The following C6orf132 variants were observed in gnomAD, a reference collection of about 807,000 sequenced individuals.
C6orf132 encodes chromosome 6 open reading frame 132.
A neutral mutation model predicts 65.3 loss-of-function variants in C6orf132; 43 were observed. That is an observed-to-expected ratio of 0.66 (90% CI 0.52 to 0.85). The LOEUF (loss-of-function observed/expected upper bound fraction) is 0.85, where lower values mean the gene tolerates loss of function less well. Among genes scored for constraint, C6orf132 ranks in the 40% least tolerant of loss-of-function variants. C6orf132 has a pLI of 0.00. For missense variants in C6orf132, 1,488 were observed against 1,548.8 expected, an observed-to-expected ratio of 0.96 and a Z score of 0.66; for synonymous variants, 631 against 654.1, an observed-to-expected ratio of 0.96 and a Z score of 0.54.
intron 2 of C6orf132, among the ~76,000 whole-genome samples, chr6:42,128,206 T>C (rs974946681): frequency 1.1e-4 from 16 of 152,056 alleles, no homozygotes; most frequent in Admixed American, 1.0e-3. Flanking sequence ...ATTACAGGCG[T>C]GAGCCACCGC....
At position 42,128,795 on chromosome 6, in the gene C6orf132, A is replaced by C; in HGVS notation, c.146-17T>G. The C allele has an allele frequency of 2.6e-6, 4 of 1,529,270 alleles. No individual in the cohort carries two copies. The highest frequency in any genetic ancestry group is 3.5e-6 in the Non-Finnish European group (4 of 1,126,806). The allele number at this position is 1,529,270 out of a possible 1,614,324, so 94.7% of individuals were successfully genotyped here. On this transcript the variant is annotated splice_polypyrimidine_tract_variant and intron_variant, in intron 1 of 4. Coordinates refer to ENST00000341865, the MANE Select transcript of C6orf132 (RefSeq NM_001164446.3). ...AGATGCCATCTAGAGAACACAAGTGAGGGGACACCATAAGCTGGAGATCCA... is the reference window on the plus strand; with the variant it reads ...AGATGCCATCTAGAGAACACAAGTGCGGGGACACCATAAGCTGGAGATCCA...
intron 2 of C6orf132, among the ~76,000 whole-genome samples, chr6:42,115,019 A>AG (rs1429840374): frequency 1.4e-5 from 2 of 146,802 alleles, no homozygotes; most frequent in African/African-American, 5.1e-5. Context: ...AAAAAAAAAA[A>AG]GCCGGGCATG....
chr6:42,136,886 G>GCC (rs137933587), intron 1 of C6orf132, among the ~76,000 whole-genome samples: 2 of 151,960 alleles, frequency 1.3e-5, no homozygotes. Flanking sequence ...GAATGGCGCC[G>GCC]CCCCCCCAGC....
chr6:42,130,102 T>C (rs990920796), intron 1 of C6orf132, among the ~76,000 whole-genome samples: 1 of 152,206 alleles, frequency 6.6e-6, no homozygotes, highest in Non-Finnish European at 1.5e-5. Flanking sequence ...CTCCGTGTGC[T>C]GCCCTCCCAA....
chr6:42,104,161 T>A lies in C6orf132; in HGVS notation c.3450-283A>T, dbSNP rs1410367556. On this transcript the variant is annotated intron_variant, in intron 4 of 4. Transcript: ENST00000341865. This position sits in a 1 kb window ranked among gnomAD's most constrained non-coding sequence, Gnocchi z 4.1. ...ATCCAACTCTGTGTTGGGAAATCCC[T>A]CCACCCAAGGGCCACTCAGATCTCT... Among the ~76,000 whole-genome samples, 1 of 152,130 alleles carries A rather than the reference T, an allele frequency of 6.6e-6. No homozygotes were observed.
At chr6:42,137,441 A>G (rs1237105295) in intron 1 of C6orf132, among the ~76,000 whole-genome samples, 2 of 152,066 alleles carry the variant, frequency 1.3e-5, no homozygotes, top group African/African-American at 4.8e-5. Context: ...GGTTGGAAAT[A>G]TATGCTCAGC....
Position 42,105,167 on chromosome 6 carries a change from C to G in C6orf132, c.2745G>C (p.Lys915Asn). 1.3e-6 allele frequency: 2 copies of G among 1,537,138 alleles called. No homozygotes were observed. The highest frequency in any genetic ancestry group is 1.7e-6 in the Non-Finnish European group (2 of 1,146,864). Residue 915 changes from lysine to asparagine, a missense_variant, in exon 4 of 5, where the codon AAG becomes AAC. Coordinates refer to ENST00000341865, the MANE Select transcript of C6orf132 (RefSeq NM_001164446.3). ...CGTCTCTTCCCAGCCGCGGCCCCCA[C>G]TTATTGGGTATTTCGGTCGTCAGCG... is the stretch of plus-strand genomic sequence containing the variant. ...DSPLTTEIPN[K>N]WGPRLGRDAE...
At chr6:42,137,088 C>T (rs761861798) in intron 1 of C6orf132, among the ~76,000 whole-genome samples, 5 of 152,242 alleles carry the variant, frequency 3.3e-5, no homozygotes, top group African/African-American at 1.2e-4. Flanking sequence ...GTTTGAGCTA[C>T]CCCGGACTGG....
intron 1 of C6orf132, among the ~76,000 whole-genome samples, chr6:42,129,046 C>T (rs560725399): frequency 2.6e-5 from 4 of 152,350 alleles, no homozygotes; most frequent in Admixed American, 2.0e-4. Flanking sequence ...CCATAACCAC[C>T]ACGCTGTACC....
chr6:42,110,139 G>A (rs892473020), intron 3 of C6orf132, 77 bp downstream of exon 3: 2 of 1,182,124 alleles, frequency 1.7e-6, no homozygotes, highest in Non-Finnish European at 2.4e-6. Context: ...GTGAAGATGA[G>A]CAGATGCTTA....
chr6:42,107,205 G>A lies in C6orf132; in HGVS notation c.707C>T (p.Pro236Leu), dbSNP rs536848837. ...TGTGTGAGGAGATGCTGGAGCTGGG[G>A]GTGCTGGGGCTGGCACAGGAGGCGG... ...PPPPPVPAPA[P>L]PAPASPHTVG... The change falls in exon 4 of 5, where the codon CCC becomes CTC. Residue 236 changes from proline (P) to leucine (L), a missense_variant. Coordinates refer to ENST00000341865, the MANE Select transcript of C6orf132 (RefSeq NM_001164446.3). The A allele has an allele frequency of 2.8e-6, 4 of 1,428,482 alleles. No homozygotes were observed. The highest frequency in any genetic ancestry group is 3.7e-6 in the Non-Finnish European group (4 of 1,095,558). The allele number at this position is 1,428,482 out of a possible 1,614,324, so 88.5% of individuals were successfully genotyped here.
At chr6:42,135,967 G>A (rs774609817) in intron 1 of C6orf132, among the ~76,000 whole-genome samples, 5 of 151,988 alleles carry the variant, frequency 3.3e-5, no homozygotes, top group East Asian at 1.9e-4. Context: ...GGGATTCAGC[G>A]TCTCTCCCCT....
Position 42,104,623 on chromosome 6 carries a change from C to G in C6orf132, c.3289G>C (p.Gly1097Arg), listed in dbSNP as rs1248852340. ...TTCACGCGCCGCATCTCGGGGCCTC[C>G]GGGCTGCGGCCCGAAGCAGTTGGGA... ...SSPNCFGPQP[G>R]GPEMRRVNSA... Residue 1097 changes from glycine to arginine, a missense_variant, in exon 4 of 5, where the codon GGA becomes CGA. Transcript: ENST00000341865. This position sits in a 1 kb window ranked among gnomAD's most constrained non-coding sequence, Gnocchi z 4.1. 2 of 1,382,386 alleles carry G rather than the reference C, an allele frequency of 1.4e-6. No individual in the cohort carries two copies. The highest frequency in any genetic ancestry group is 1.6e-5 in the South Asian group (1 of 60,816). The allele number at this position is 1,382,386 out of a possible 1,614,324, so 85.6% of individuals were successfully genotyped here.
intron 2 of C6orf132, among the ~76,000 whole-genome samples, chr6:42,127,781 G>A (rs904634892): frequency 1.3e-5 from 2 of 152,068 alleles, no homozygotes; most frequent in African/African-American, 2.4e-5. Context: ...ACAAGCAGCC[G>A]TTGAGCACTT....
rs1766396361 is a variant in C6orf132 at position 42,105,996 on chromosome 6, G to C, written c.1916C>G (p.Pro639Arg). ...AGGTGTGGCCTTGGGTGGTATGGCTGGTCCCAACATAGCCTTGGGCTGGAG... is the reference window on the plus strand; with the variant it reads ...AGGTGTGGCCTTGGGTGGTATGGCTCGTCCCAACATAGCCTTGGGCTGGAG... ...TSLQPKAMLGPAIPPKATPEP... is the reference protein window; with the variant it reads ...TSLQPKAMLGRAIPPKATPEP... The change falls in exon 4 of 5, where the codon CCA becomes CGA. Residue 639 changes from proline to arginine, a missense_variant. Transcript: ENST00000341865. The C allele has an allele frequency of 9.8e-6, 15 of 1,537,118 alleles. No homozygotes were observed. The highest frequency in any genetic ancestry group is 1.2e-5 in the Non-Finnish European group (14 of 1,146,896).
chr6:42,104,504 C>A lies in C6orf132; in HGVS notation c.3408G>T (p.Ala1136=). The A allele has an allele frequency of 5.7e-6, 7 of 1,232,600 alleles. No individual in the cohort carries two copies. Among genetic ancestry groups the A allele is most frequent in the Non-Finnish European group, 7.1e-6 (7 of 988,758 alleles). The allele number at this position is 1,232,600 out of a possible 1,614,324, so 76.4% of individuals were successfully genotyped here. The change falls in exon 4 of 5, where the codon GCG becomes GCT. Residue 1136 remains alanine (A), a synonymous_variant. Coordinates refer to ENST00000341865, the MANE Select transcript of C6orf132 (RefSeq NM_001164446.3). This position sits in a 1 kb window ranked among gnomAD's most constrained non-coding sequence, Gnocchi z 4.1. ...ARGAAEAKHK[A]PGSADYGFAP... ...CGAAGCCGTAGTCGGCGCTGCCGGG[C>A]GCTTTGTGCTTGGCCTCCGCGGCGC... is the stretch of plus-strand genomic sequence containing the variant.
intron 2 of C6orf132, among the ~76,000 whole-genome samples, chr6:42,119,933 A>G (rs1766652746): frequency 6.6e-6 from 1 of 151,838 alleles, no homozygotes. Context: ...TGTCTCTACT[A>G]AAAATACAAA....
chr6:42,116,006 T>G (rs534250300), intron 2 of C6orf132, among the ~76,000 whole-genome samples: 1 of 146,968 alleles, frequency 6.8e-6, no homozygotes, highest in South Asian at 2.3e-4. Context: ...CTCGGCTCAC[T>G]GCAACCTTTG....
chr6:42,109,178 T>C (rs753518314), intron 3 of C6orf132, among the ~76,000 whole-genome samples: 1 of 152,158 alleles, frequency 6.6e-6, no homozygotes, highest in Admixed American at 6.5e-5. Flanking sequence ...CTCACACCTG[T>C]AATCCGAGCA....
Sources: gnomAD v4.1 joint callset for allele counts (sites outside exome capture counted in the v4.1 genomes callset) on GRCh38, gnomAD v4.1.1 for gene constraint, Gnocchi (gnomAD v3.1) non-coding constraint, MANE v1.5 for transcripts, NCBI Gene and HGNC (gene_info 2026-07-23, HGNC 2026-07-21) for gene names.